Variants in RBFOX1 observed in about 807,000 individuals in gnomAD.
RBFOX1 encodes the protein RNA binding fox-1 homolog 1.
Under a neutral mutation model 57.7 loss-of-function variants are expected in RBFOX1, and 8 were observed. The ratio of observed to expected loss-of-function variants is 0.14; its 90% confidence interval spans 0.08 to 0.25. RBFOX1 has a LOEUF of 0.25. Among genes scored for constraint, RBFOX1 ranks in the 10% least tolerant of loss-of-function variants. RBFOX1 has a pLI of 1.00. For synonymous variants in RBFOX1, 326 were observed against 222.4 expected, an observed-to-expected ratio of 1.47 and a Z score of -4.15; for missense variants, 611 against 548.5, an observed-to-expected ratio of 1.11 and a Z score of -1.14.
At chr16:6,766,872 A>G (rs192053096) in intron 3 of RBFOX1, among the ~76,000 whole-genome samples, 1 of 152,154 alleles carries the variant, frequency 6.6e-6, no homozygotes, top group East Asian at 1.9e-4. Context: ...AGCTGATGGA[A>G]CAGCAAGTAA....
chr16:7,028,254 G>T (rs1031421523), intron 3 of RBFOX1, among the ~76,000 whole-genome samples: 11 of 152,022 alleles, frequency 7.2e-5, no homozygotes, highest in Non-Finnish European at 8.8e-5. Context: ...CTTGCTCTAC[G>T]TGTAAGCCAT....
intron 3 of RBFOX1, among the ~76,000 whole-genome samples, chr16:6,915,052 T>C (rs2072767763): frequency 6.6e-6 from 1 of 152,224 alleles, no homozygotes; most frequent in Non-Finnish European, 1.5e-5. Context: ...AGATGAAGGA[T>C]GCAGAACATT....
intron 4 of RBFOX1, among the ~76,000 whole-genome samples, chr16:7,241,075 C>T (rs28418544): frequency 2.0e-5 from 3 of 152,004 alleles, no homozygotes; most frequent in African/African-American, 2.4e-5. Flanking sequence ...GTTTATTTAG[C>T]GCAGTTTTTA....
At chr16:5,482,396 G>T (rs941683512) in intron 2 of RBFOX1, among the ~76,000 whole-genome samples, 6 of 152,204 alleles carry the variant, frequency 3.9e-5, no homozygotes, top group Admixed American at 1.3e-4. Flanking sequence ...TATTTCTCCT[G>T]CTTCCTGCAG....
At chr16:6,720,667 A>T (rs1186710202) in intron 3 of RBFOX1, among the ~76,000 whole-genome samples, 1 of 152,144 alleles carries the variant, frequency 6.6e-6, no homozygotes, top group African/African-American at 2.4e-5. Flanking sequence ...TGAGAAGGAG[A>T]CATGTGTCAG....
chr16:5,556,633 G>A (rs574451996), intron 2 of RBFOX1, among the ~76,000 whole-genome samples: 1 of 152,200 alleles, frequency 6.6e-6, no homozygotes, highest in Non-Finnish European at 1.5e-5. Context: ...CTCCCTCTTG[G>A]GAGAACCAGC....
In RBFOX1 at chr16:5,750,209, C is replaced by G. The variant is rs186899751; in HGVS notation, c.319-117094C>G. ...ATTTCTGAACAGCAAATGTTGCTGC[C>G]CGATCATTCCTTTGGAAGCTTCGTC... On this transcript the variant is annotated intron_variant, in intron 3 of 19. Transcript: ENST00000641259. Among the ~76,000 whole-genome samples, 4 of 152,264 alleles carry G rather than the reference C, an allele frequency of 2.6e-5. No homozygotes were observed. In the East Asian group the frequency reaches 7.7e-4, roughly 29 times the overall value.
chr16:6,856,877 C>A (rs935170119), intron 3 of RBFOX1, among the ~76,000 whole-genome samples: 3 of 151,564 alleles, frequency 2.0e-5, no homozygotes, highest in Non-Finnish European at 4.4e-5. Context: ...AATAATTCTG[C>A]TGCAAAATGT....
chr16:6,939,174 C>T (rs575538300), intron 3 of RBFOX1, among the ~76,000 whole-genome samples: 2 of 152,218 alleles, frequency 1.3e-5, no homozygotes, highest in African/African-American at 2.4e-5. Context: ...AATTAGAACT[C>T]AGGCCAATGA....
intron 1 of RBFOX1, among the ~76,000 whole-genome samples, chr16:6,226,552 C>A (rs2097419990): frequency 6.6e-6 from 1 of 151,892 alleles, no homozygotes; most frequent in Non-Finnish European, 1.5e-5. Flanking sequence ...CTTTCTGAAG[C>A]ATATTGTATG....
intron 3 of RBFOX1, among the ~76,000 whole-genome samples, chr16:6,942,763 A>G (rs1239776584): frequency 6.6e-6 from 1 of 152,186 alleles, no homozygotes; most frequent in Non-Finnish European, 1.5e-5. Flanking sequence ...CAAGCAGGTA[A>G]AAAATAAGGG....
chr16:6,986,344 G>A (rs1240215507), intron 3 of RBFOX1, among the ~76,000 whole-genome samples: 12 of 152,146 alleles, frequency 7.9e-5, no homozygotes, highest in East Asian at 3.9e-4. Context: ...GATTGCAGGC[G>A]TCTGCCACCA....
intron 4 of RBFOX1, among the ~76,000 whole-genome samples, chr16:5,927,618 A>G (rs964151686): frequency 6.6e-6 from 1 of 152,242 alleles, no homozygotes; most frequent in African/African-American, 2.4e-5. Context: ...AGGGAATGAA[A>G]TCTGTATATC....
intron 3 of RBFOX1, among the ~76,000 whole-genome samples, chr16:6,743,640 G>A (rs2072855104): frequency 6.6e-6 from 1 of 151,838 alleles, no homozygotes; most frequent in African/African-American, 2.4e-5. Flanking sequence ...CTACGTGGGA[G>A]GCTGAGGTGT....
In RBFOX1 at chr16:5,583,994, C is replaced by T. The variant is rs184537557; in HGVS notation, c.259-14908C>T. On this transcript the variant is annotated intron_variant, in intron 2 of 2. Coordinates refer to the RBFOX1 transcript ENST00000585867. The stretch of plus-strand genomic sequence containing the variant: ...CTGTGCCAGCCATTCCTGGTTCCAC[C>T]GAGTCTGGGTCACATCCCTCTAATC... 3.5e-4 allele frequency among the ~76,000 whole-genome samples: 54 copies of T among 152,286 alleles called. 1 individual carries two copies. Among genetic ancestry groups the T allele is most frequent in the African/African-American group, 1.2e-3 (50 of 41,560 alleles).
intron 2 of RBFOX1, among the ~76,000 whole-genome samples, chr16:5,569,882 A>G (rs1233583507): frequency 6.6e-6 from 1 of 152,190 alleles, no homozygotes; most frequent in African/African-American, 2.4e-5. Flanking sequence ...TCTGCGACAT[A>G]AGAAGATCCT....
At chr16:7,011,266 C>A (rs1364946982) in intron 3 of RBFOX1, among the ~76,000 whole-genome samples, 2 of 152,108 alleles carry the variant, frequency 1.3e-5, no homozygotes, top group African/African-American at 4.8e-5. Flanking sequence ...TTATGTAATT[C>A]TTTTAATGAT....
At chr16:7,702,352 A>C (rs1201314248) in intron 14 of RBFOX1, among the ~76,000 whole-genome samples, 1 of 152,160 alleles carries the variant, frequency 6.6e-6, no homozygotes, top group Non-Finnish European at 1.5e-5. Context: ...TTCTGACCCC[A>C]CAGAATCCCC....
At chr16:6,111,273 G>A (rs972314926) in intron 1 of RBFOX1, among the ~76,000 whole-genome samples, 1 of 152,182 alleles carries the variant, frequency 6.6e-6, no homozygotes, top group African/African-American at 2.4e-5. Flanking sequence ...TGGACATACA[G>A]GTCTCATATC....
Sources: gnomAD v4.1 joint callset for allele counts (sites outside exome capture counted in the v4.1 genomes callset) on GRCh38, gnomAD v4.1.1 for gene constraint, MANE v1.5 for transcripts, NCBI Gene and HGNC (gene_info 2026-07-23, HGNC 2026-07-21) for gene names.